EHBP1: variants seen among roughly 807,000 people sequenced by gnomAD.
EHBP1 encodes EH domain binding protein 1.
A neutral mutation model predicts 144.0 loss-of-function variants in EHBP1; 55 were observed. The observed-to-expected ratio is 0.38, with a 90% confidence interval of 0.31 to 0.48. EHBP1 has a LOEUF of 0.48. Ranked by LOEUF, EHBP1 falls within the 20% of genes least tolerant of loss-of-function variation. The pLI is 0.98. For synonymous variants in EHBP1, 469 were observed against 472.7 expected, an observed-to-expected ratio of 0.99 and a Z score of 0.10; for missense variants, 1,200 against 1,364.2, an observed-to-expected ratio of 0.88 and a Z score of 1.90.
intron 10 of EHBP1, among the ~76,000 whole-genome samples, chr2:62,921,248 C>T (rs1157487070): frequency 6.6e-6 from 1 of 151,932 alleles, no homozygotes; most frequent in Non-Finnish European, 1.5e-5. Flanking sequence ...AAGTTTGAGA[C>T]CAGCCTGGGC....
At position 62,948,247 on chromosome 2, in the gene EHBP1, C is replaced by T. The variant is rs746829910; in HGVS notation, c.1414-13C>T. On this transcript the variant is annotated splice_polypyrimidine_tract_variant and intron_variant, in intron 12 of 22. Coordinates refer to ENST00000431489, the MANE Select transcript of EHBP1 (RefSeq NM_001142616.3). The stretch of plus-strand genomic sequence containing the variant: ...ACTGTTCAATATATCTTTTGTTTTT[C>T]CTTCCTTTGAAGGCATACGATGGAT... 2.9e-5 allele frequency: 44 copies of T among 1,523,968 alleles called. No individual in the cohort carries two copies. The highest frequency in any genetic ancestry group is 8.4e-5 in the African/African-American group (6 of 71,716). 94.4% of individuals were successfully genotyped at this position (1,523,968 alleles called of 1,614,324 possible). A position where few individuals can be genotyped will look rare whatever the true frequency, so the allele number is the denominator to read the frequency against.
chr2:63,011,142 CAAAA>C (rs58109395), intron 19 of EHBP1, among the ~76,000 whole-genome samples: 2 of 43,894 alleles, frequency 4.6e-5, no homozygotes, highest in Non-Finnish European at 9.7e-5. Context: ...CCTCACTTGT[CAAAA>C]AAAAAAAAAA....
chr2:62,890,640 C>T (rs963609811), intron 10 of EHBP1, among the ~76,000 whole-genome samples: 10 of 152,018 alleles, frequency 6.6e-5, no homozygotes, highest in Non-Finnish European at 1.3e-4. Flanking sequence ...ACTTTTGGGC[C>T]AAGACTGCGG....
chr2:62,679,272 T>A (rs2033422888), intron 1 of EHBP1, among the ~76,000 whole-genome samples: 1 of 152,224 alleles, frequency 6.6e-6, no homozygotes, highest in Non-Finnish European at 1.5e-5. Flanking sequence ...ATCTCTTGGA[T>A]AGTTCTGCTA....
chr2:62,754,573 A>G (rs989070388), intron 3 of EHBP1, among the ~76,000 whole-genome samples: 9 of 152,202 alleles, frequency 5.9e-5, no homozygotes, highest in South Asian at 2.1e-4. Flanking sequence ...TTGTTCAGCT[A>G]TGCCCTGCCT....
intron 10 of EHBP1, among the ~76,000 whole-genome samples, chr2:62,919,811 TAAAG>T (rs1236607053): frequency 2.0e-5 from 3 of 151,580 alleles, no homozygotes; most frequent in East Asian, 1.9e-4. Context: ...GAAATATTAA[TAAAG>T]AAAAAACTTT....
At chr2:62,749,216 A>T (rs998662360) in intron 3 of EHBP1, among the ~76,000 whole-genome samples, 3 of 151,440 alleles carry the variant, frequency 2.0e-5, no homozygotes, top group African/African-American at 7.3e-5. Flanking sequence ...ATTCCCACTT[A>T]TGAGTGAGAA....
At chr2:62,743,024 A>G (rs2038859335) in intron 2 of EHBP1, among the ~76,000 whole-genome samples, 1 of 152,082 alleles carries the variant, frequency 6.6e-6, no homozygotes, top group Non-Finnish European at 1.5e-5. Flanking sequence ...ATGACATGTA[A>G]TTTTACTTCC....
intron 2 of EHBP1, among the ~76,000 whole-genome samples, chr2:62,741,031 C>T (rs1029421859): frequency 6.6e-6 from 1 of 152,036 alleles, no homozygotes; most frequent in Non-Finnish European, 1.5e-5. Context: ...ATTTTTTGCT[C>T]ACTTCTCAAT....
At chr2:62,978,853 A>G (rs1345905308) in intron 14 of EHBP1, among the ~76,000 whole-genome samples, 1 of 152,216 alleles carries the variant, frequency 6.6e-6, no homozygotes, top group Non-Finnish European at 1.5e-5. Flanking sequence ...AAAAACATGA[A>G]TTAAAATTCT....
chr2:62,923,926 A>G (rs1013676394), intron 10 of EHBP1, among the ~76,000 whole-genome samples: 1 of 152,206 alleles, frequency 6.6e-6, no homozygotes, highest in Non-Finnish European at 1.5e-5. Flanking sequence ...TCCAGTGGAC[A>G]CATCAACAGG....
intron 19 of EHBP1, among the ~76,000 whole-genome samples, chr2:63,001,195 A>G (rs2059833881): frequency 6.6e-6 from 1 of 152,188 alleles, no homozygotes; most frequent in Admixed American, 6.6e-5. Flanking sequence ...TAAAAGTTAC[A>G]GTGTTTTATT....
chr2:62,805,496 T>A (rs2044374016), intron 5 of EHBP1, among the ~76,000 whole-genome samples: 1 of 150,108 alleles, frequency 6.7e-6, no homozygotes, highest in South Asian at 2.1e-4. Flanking sequence ...ACAGTGAACC[T>A]GCATTACTTG....
chr2:62,782,203 A>G (rs2042472364), intron 5 of EHBP1, among the ~76,000 whole-genome samples: 1 of 152,216 alleles, frequency 6.6e-6, no homozygotes. Flanking sequence ...CCACTCAGAT[A>G]TTAATTTTGG....
intron 2 of EHBP1, among the ~76,000 whole-genome samples, chr2:62,716,025 TCTC>T (rs904465414): frequency 6.6e-6 from 1 of 152,106 alleles, no homozygotes; most frequent in African/African-American, 2.4e-5. Context: ...CACTCTAGCT[TCTC>T]CTCATTCTCT....
intron 19 of EHBP1, among the ~76,000 whole-genome samples, chr2:63,028,786 T>G (rs756352042): frequency 2.0e-5 from 3 of 152,100 alleles, no homozygotes; most frequent in African/African-American, 4.8e-5. Flanking sequence ...ACTTGGCATT[T>G]AGTAAATAAG....
upstream of EHBP1, among the ~76,000 whole-genome samples, chr2:62,705,501 T>A (rs117550311): frequency 0.035 from 5,286 of 150,948 alleles, 109 homozygotes; most frequent in East Asian, 0.049. Flanking sequence ...TTTTTTTTTT[T>A]AAAAAAAAGG....
chr2:63,017,586 A>G (rs980400540), intron 19 of EHBP1, among the ~76,000 whole-genome samples: 1 of 152,220 alleles, frequency 6.6e-6, no homozygotes, highest in Non-Finnish European at 1.5e-5. Context: ...TTGGAGCTCC[A>G]TAAATGTTAG....
rs1240315937 is a variant in EHBP1 at position 62,948,951 on chromosome 2, T to C, written c.2105T>C (p.Leu702Ser). 6.2e-7 allele frequency: 1 copy of C among 1,613,964 alleles called. No homozygotes were observed. Among genetic ancestry groups the C allele is most frequent in the South Asian group, 1.1e-5 (1 of 91,070 alleles). Residue 702 changes from leucine (L) to serine (S), a missense_variant, in exon 13 of 23, where the codon TTA (leucine) becomes TCA (serine). Leu to Ser is a moderately radical substitution (Grantham distance 145). Around this residue, in one of 6 missense-constraint regions of EHBP1, gnomAD observed 543 missense variants for 513.1 expected, o/e 1.06. Coordinates refer to ENST00000431489, the MANE Select transcript of EHBP1 (RefSeq NM_001142616.3). ...DIGSNLEKEK[L>S]ENSRSLECRS... ...GGTAGTAACTTGGAGAAAGAAAAAT[T>C]AGAGAATTCCAGATCCTTAGAATGC...
Sources: gnomAD v4.1 joint callset for allele counts (sites outside exome capture counted in the v4.1 genomes callset) on GRCh38, gnomAD v4.1.1 for gene constraint, gnomAD v4.1.1 regional missense constraint, MANE v1.5 for transcripts, NCBI Gene and HGNC (gene_info 2026-07-23, HGNC 2026-07-21) for gene names.